Variants in PICALM observed in about 807,000 individuals in gnomAD.
PICALM encodes the protein phosphatidylinositol-binding clathrin assembly protein.
Under a neutral mutation model 80.5 loss-of-function variants are expected in PICALM, and 40 were observed. The ratio of observed to expected loss-of-function variants is 0.50; its 90% CI spans 0.39 to 0.65. PICALM has a LOEUF of 0.65. Ranked by LOEUF, PICALM falls within the 30% of genes least tolerant of loss-of-function variation. The pLI is 0.00. For synonymous variants in PICALM, 288 were observed against 260.3 expected, an observed-to-expected ratio of 1.11 and a Z score of -1.02; for missense variants, 676 against 778.9, an observed-to-expected ratio of 0.87 and a Z score of 1.57.
At chr11:86,027,045 T>A (rs1381903931) in intron 2 of PICALM, among the ~76,000 whole-genome samples, 1 of 152,238 alleles carries the variant, frequency 6.6e-6, no homozygotes, top group Non-Finnish European at 1.5e-5. Flanking sequence ...CAATGTGTTT[T>A]AACTCAACTT....
intron 1 of PICALM, among the ~76,000 whole-genome samples, chr11:86,039,448 C>T (rs1038531710): frequency 2.6e-5 from 4 of 152,072 alleles, no homozygotes; most frequent in African/African-American, 9.7e-5. Context: ...ATCCTCCCCC[C>T]ACCAGAAATG....
At chr11:86,014,287 T>C (rs989327460) in intron 5 of PICALM, among the ~76,000 whole-genome samples, 3 of 152,130 alleles carry the variant, frequency 2.0e-5, no homozygotes, top group Non-Finnish European at 4.4e-5. Context: ...AAATAAATAA[T>C]AAACAAAACA....
chr11:85,966,716 G>C (rs2093912885), intron 19 of PICALM, among the ~76,000 whole-genome samples: 1 of 152,176 alleles, frequency 6.6e-6, no homozygotes, highest in Non-Finnish European at 1.5e-5. Flanking sequence ...GTTAAGATGA[G>C]GTCTTTGGAG....
intron 19 of PICALM, chr11:85,969,732 T>C: frequency 2.9e-6 from 1 of 350,194 alleles, no homozygotes; most frequent in Non-Finnish European, 5.7e-6. Context: ...TTGCCCAGGT[T>C]GGTCTGGAAC....
intron 2 of PICALM, 57 bp downstream of exon 2, chr11:86,031,412 G>A (rs1193261398): frequency 7.2e-7 from 1 of 1,391,738 alleles, no homozygotes; most frequent in African/African-American, 1.4e-5. Flanking sequence ...AGTGAGAGAA[G>A]CTAGCTAACA....
At chr11:86,065,396 TCGCA>T (rs1254556818) in intron 1 of PICALM, among the ~76,000 whole-genome samples, 1 of 151,706 alleles carries the variant, frequency 6.6e-6, no homozygotes, top group Non-Finnish European at 1.5e-5. Flanking sequence ...TGAGCCAAGA[TCGCA>T]CCACTGCACT....
In PICALM at chr11:86,031,602, T is replaced by G; in HGVS notation, c.140A>C (p.Gln47Pro). 6.2e-7 allele frequency: 1 copy of G among 1,606,406 alleles called. No individual in the cohort carries two copies. Among genetic ancestry groups the G allele is most frequent in the Non-Finnish European group, 8.5e-7 (1 of 1,177,778 alleles). The change falls in exon 2 of 20, where the codon CAG becomes CCG. Residue 47 changes from glutamine (Q) to proline (P), a missense_variant. By Grantham distance (76) the Gln-to-Pro change is moderately conservative. Around this residue, in one of 2 missense-constraint regions of PICALM, gnomAD observed 285 missense variants for 395.4 expected, o/e 0.72. Coordinates refer to ENST00000393346, the MANE Select transcript of PICALM (RefSeq NM_007166.4). ...GTTCACATTCATCTCATTTGTGCAC[T>G]GAATTAAGTCTGCAATAAAAAATTT... ...PKKKHLDYLI[Q>P]CTNEMNVNIP...
At chr11:86,031,913 G>A (rs2095757395) in intron 1 of PICALM, among the ~76,000 whole-genome samples, 1 of 152,108 alleles carries the variant, frequency 6.6e-6, no homozygotes, top group Non-Finnish European at 1.5e-5. Flanking sequence ...AAGGTTTTGA[G>A]GAACCTTCTA....
intron 1 of PICALM, among the ~76,000 whole-genome samples, chr11:86,034,867 T>C (rs2095814189): frequency 6.6e-6 from 1 of 152,214 alleles, no homozygotes; most frequent in Non-Finnish European, 1.5e-5. Context: ...TTATTTCATA[T>C]GCTCTTTCAA....
chr11:86,028,399 C>T (rs868114625), intron 2 of PICALM, among the ~76,000 whole-genome samples: 2 of 152,162 alleles, frequency 1.3e-5, no homozygotes, highest in Non-Finnish European at 2.9e-5. Flanking sequence ...AGAAACTTTT[C>T]ATAACAAAAT....
rs942437465 is a variant in PICALM at position 86,003,358 on chromosome 11, T to C, written c.893+8A>G. 2.6e-6 allele frequency: 4 copies of C among 1,557,298 alleles called. No individual in the cohort carries two copies. Among genetic ancestry groups the C allele is most frequent in the Non-Finnish European group, 2.6e-6 (3 of 1,135,644 alleles). On this transcript the variant is annotated splice_region_variant and intron_variant, in intron 9 of 19. Coordinates refer to ENST00000393346, the MANE Select transcript of PICALM (RefSeq NM_007166.4). The stretch of plus-strand genomic sequence containing the variant: ...CTCTGGCTTTTTGGCCTACAAAGAA[T>C]GATATACCTGCTTGCAGCTGTAGAA...
chr11:86,066,236 T>TA (rs879692846), intron 1 of PICALM, among the ~76,000 whole-genome samples: 1 of 152,204 alleles, frequency 6.6e-6, no homozygotes, highest in Non-Finnish European at 1.5e-5. Flanking sequence ...TGGTCAGACT[T>TA]TACCTAAGAT....
At position 86,026,335 on chromosome 11, in the gene PICALM, C is replaced by G. The variant is rs769109513; in HGVS notation, c.306G>C (p.Thr102=). ...RFIQYLASRN[T]LFNLSNFLDK... Reference sequence around the variant, plus strand: ...CCAAAAAATTGCTTAAGTTAAACAACGTGTTTCTTGAAGCCAAATACTGAA... The same window carrying G: ...CCAAAAAATTGCTTAAGTTAAACAAGGTGTTTCTTGAAGCCAAATACTGAA... The change falls in exon 3 of 20, where the codon ACG becomes ACC. Residue 102 remains threonine (T), a synonymous_variant. Transcript: ENST00000393346. 1.2e-6 allele frequency: 2 copies of G among 1,603,650 alleles called. No homozygotes were observed. The highest frequency in any genetic ancestry group is 1.1e-5 in the South Asian group (1 of 90,512).
chr11:86,033,279 T>C (rs2095790756), intron 1 of PICALM, among the ~76,000 whole-genome samples: 1 of 151,604 alleles, frequency 6.6e-6, no homozygotes, highest in Admixed American at 6.6e-5. Flanking sequence ...GGTGTGTGTG[T>C]ATATATATAT....
intron 1 of PICALM, among the ~76,000 whole-genome samples, chr11:86,036,245 C>T (rs943612103): frequency 6.6e-6 from 1 of 152,034 alleles, no homozygotes; most frequent in South Asian, 2.1e-4. Flanking sequence ...GGCAAATTTG[C>T]CTAGTCGTAA....
intron 17 of PICALM, among the ~76,000 whole-genome samples, chr11:85,977,319 T>A (rs1222278237): frequency 6.6e-6 from 1 of 152,236 alleles, no homozygotes; most frequent in African/African-American, 2.4e-5. Flanking sequence ...TAGGTCAGTT[T>A]ATGCTTTCAT....
At chr11:86,019,279 T>G (rs2095529741) in intron 4 of PICALM, among the ~76,000 whole-genome samples, 1 of 148,854 alleles carries the variant, frequency 6.7e-6, no homozygotes, top group South Asian at 2.1e-4. Flanking sequence ...GATTTTTTTC[T>G]TTTGTATTTA....
chr11:85,988,964 A>G (rs1449296591), intron 13 of PICALM, among the ~76,000 whole-genome samples: 3 of 152,206 alleles, frequency 2.0e-5, no homozygotes, highest in Admixed American at 6.5e-5. Context: ...AAGCAAGCCT[A>G]CACACTTTCA....
At chr11:86,014,216 G>C (rs539967462) in intron 5 of PICALM, among the ~76,000 whole-genome samples, 3 of 152,306 alleles carry the variant, frequency 2.0e-5, no homozygotes, top group African/African-American at 7.2e-5. Flanking sequence ...ATCTATTTCA[G>C]CATGAAACTG....
Sources: gnomAD v4.1 joint callset for allele counts (sites outside exome capture counted in the v4.1 genomes callset) on GRCh38, gnomAD v4.1.1 for gene constraint, gnomAD v4.1.1 regional missense constraint, MANE v1.5 for transcripts, NCBI Gene and HGNC (gene_info 2026-07-23, HGNC 2026-07-21) for gene names.